CCDC170: variants seen among roughly 807,000 people sequenced by gnomAD.
CCDC170 encodes coiled-coil domain containing 170, also known as coiled-coil domain-containing protein 170.
In CCDC170, 69 loss-of-function variants were observed where a neutral mutation model predicts 72.6. The observed-to-expected ratio is 0.95, with a 90% CI of 0.78 to 1.16. The LOEUF (loss-of-function observed/expected upper bound fraction) is 1.16, where lower values mean the gene tolerates loss of function less well. CCDC170 is among the 50% of genes most tolerant of loss of function. CCDC170 has a pLI of 0.00. For synonymous variants in CCDC170, 300 were observed against 303.9 expected, an observed-to-expected ratio of 0.99 and a Z score of 0.13; for missense variants, 852 against 832.5, an observed-to-expected ratio of 1.02 and a Z score of -0.29.
rs9383926 is a variant in CCDC170, at chr6:151,569,947, T to C, written c.775-3227T>C. ...TGCTCACAGACACCATTGTATTCTA[T>C]GAACACAAACTGATTTTGTGATTTT... On this transcript the variant is annotated intron_variant, in intron 5 of 10. Coordinates refer to ENST00000239374, the MANE Select transcript of CCDC170 (RefSeq NM_025059.4). Among the ~76,000 whole-genome samples the C allele has an allele frequency of 4.1e-4, 62 of 152,300 alleles. No individual in the cohort carries two copies. The East Asian group carries it at 8.1e-3, about 20-fold the overall frequency.
At chr6:151,600,435 C>G (rs1776688516) in intron 9 of CCDC170, among the ~76,000 whole-genome samples, 1 of 152,152 alleles carries the variant, frequency 6.6e-6, no homozygotes, top group Admixed American at 6.5e-5. Context: ...TCTGTGCCTC[C>G]CCTTCACGTG....
At chr6:151,565,897 T>G (rs1230584672) in intron 5 of CCDC170, among the ~76,000 whole-genome samples, 1 of 152,248 alleles carries the variant, frequency 6.6e-6, no homozygotes, top group Non-Finnish European at 1.5e-5. Context: ...ATTATGGGTC[T>G]AATCTTAGCA....
intron 5 of CCDC170, among the ~76,000 whole-genome samples, chr6:151,562,164 A>G (rs368611996): frequency 6.6e-6 from 1 of 151,954 alleles, no homozygotes; most frequent in African/African-American, 2.4e-5. Context: ...AATTTCTCTC[A>G]GATGTTATTG....
Position 151,619,552 on chromosome 6 carries a change from G to A in CCDC170, c.*1405G>A, listed in dbSNP as rs1467399580. 1 of 152,072 alleles carries A rather than the reference G, an allele frequency of 6.6e-6. No individual in the cohort carries two copies. Among genetic ancestry groups the A allele is most frequent in the Non-Finnish European group, 1.5e-5 (1 of 68,004 alleles). 9.4% of individuals were successfully genotyped at this position (152,072 alleles called of 1,614,324 possible). A position where few individuals can be genotyped will look rare whatever the true frequency, so the allele number is the denominator to read the frequency against. ...AAGGAAAGGGAAAGAAATAGATCTG[G>A]TGCACCCGAACATTAGGAGAAAATG... is the stretch of plus-strand genomic sequence containing the variant. On this transcript the variant is annotated 3_prime_UTR_variant, in exon 11 of 11. Transcript: ENST00000239374.
intron 5 of CCDC170, among the ~76,000 whole-genome samples, chr6:151,558,236 T>G (rs1050344038): frequency 1.4e-5 from 2 of 145,504 alleles, no homozygotes; most frequent in South Asian, 2.2e-4. Flanking sequence ...ATTAGTGTTT[T>G]TTTTTTTTTT....
At chr6:151,572,288 G>A (rs1212149502) in intron 5 of CCDC170, among the ~76,000 whole-genome samples, 1 of 152,128 alleles carries the variant, frequency 6.6e-6, no homozygotes, top group Non-Finnish European at 1.5e-5. Context: ...TGAGACAAGG[G>A]GATATGCAAT....
At chr6:151,540,213 C>A (rs1379037342) in intron 3 of CCDC170, among the ~76,000 whole-genome samples, 1 of 151,740 alleles carries the variant, frequency 6.6e-6, no homozygotes, top group East Asian at 1.9e-4. Flanking sequence ...AGATGTTGGC[C>A]TATTCAGTTC....
At chr6:151,600,202 A>T (rs9383934) in intron 9 of CCDC170, among the ~76,000 whole-genome samples, 60,928 of 152,092 alleles carry the variant, frequency 0.4, 17,344 homozygotes, top group African/African-American at 0.78. Flanking sequence ...CAGACTTCTG[A>T]AATCAATTTC....
chr6:151,572,386 G>A (rs763220866), intron 5 of CCDC170, among the ~76,000 whole-genome samples: 1 of 152,104 alleles, frequency 6.6e-6, no homozygotes, highest in African/African-American at 2.4e-5. Flanking sequence ...TAGCATTGAG[G>A]GGGCATCTTT....
chr6:151,515,317 C>CT (rs1203341511), intron 1 of CCDC170, among the ~76,000 whole-genome samples: 4 of 152,334 alleles, frequency 2.6e-5, no homozygotes, highest in Non-Finnish European at 1.5e-5. Flanking sequence ...GAGTCTCACT[C>CT]TGTCACCCAG....
intron 9 of CCDC170, among the ~76,000 whole-genome samples, chr6:151,599,074 G>T (rs1048157237): frequency 4.6e-5 from 7 of 152,204 alleles, no homozygotes; most frequent in Admixed American, 3.3e-4. Flanking sequence ...ACAGCTAATA[G>T]TTGGAGAATG....
intron 9 of CCDC170, among the ~76,000 whole-genome samples, chr6:151,613,872 G>T (rs78376838): frequency 6.6e-6 from 1 of 152,230 alleles, no homozygotes; most frequent in East Asian, 1.9e-4. Context: ...GGAATTGCTG[G>T]GTCATGTGGT....
At chr6:151,611,402 G>A (rs1410938832) in intron 9 of CCDC170, among the ~76,000 whole-genome samples, 2 of 152,160 alleles carry the variant, frequency 1.3e-5, no homozygotes, top group East Asian at 3.9e-4. Flanking sequence ...AAAAATCAAG[G>A]TGCCAGCAGA....
At chr6:151,556,003 T>C (rs1782968101) in intron 5 of CCDC170, among the ~76,000 whole-genome samples, 1 of 152,178 alleles carries the variant, frequency 6.6e-6, no homozygotes, top group Non-Finnish European at 1.5e-5. Context: ...GTCAACACTT[T>C]GGGAGGCTGA....
At chr6:151,607,566 T>C (rs1249242603) in intron 9 of CCDC170, among the ~76,000 whole-genome samples, 1 of 152,176 alleles carries the variant, frequency 6.6e-6, no homozygotes, top group Non-Finnish European at 1.5e-5. Flanking sequence ...GGGTGTTGAG[T>C]TCCCTCAGTT....
At chr6:151,575,273 A>G (rs1776284283) in intron 6 of CCDC170, among the ~76,000 whole-genome samples, 1 of 151,898 alleles carries the variant, frequency 6.6e-6, no homozygotes, top group Non-Finnish European at 1.5e-5. Flanking sequence ...TGTTACTAAA[A>G]AACTCAGAAG....
chr6:151,591,464 G>C (rs957300272), intron 7 of CCDC170, among the ~76,000 whole-genome samples: 2 of 151,782 alleles, frequency 1.3e-5, no homozygotes, highest in Non-Finnish European at 1.5e-5. Context: ...GCTGTTTTAG[G>C]GGGGAGGTGT....
intron 9 of CCDC170, among the ~76,000 whole-genome samples, 163 bp from the exon 10 acceptor site, chr6:151,615,280 C>T (rs1207285563): frequency 6.6e-6 from 1 of 152,124 alleles, no homozygotes; most frequent in Non-Finnish European, 1.5e-5. Context: ...CATGTTTGTC[C>T]AGCACATATG....
At chr6:151,529,439 A>G (rs1424080189) in intron 1 of CCDC170, among the ~76,000 whole-genome samples, 1 of 152,108 alleles carries the variant, frequency 6.6e-6, no homozygotes, top group African/African-American at 2.4e-5. Context: ...TGGGAGGATC[A>G]CGAGGTCAAG....
Sources: gnomAD v4.1 joint callset for allele counts (sites outside exome capture counted in the v4.1 genomes callset) on GRCh38, gnomAD v4.1.1 for gene constraint, MANE v1.5 for transcripts, NCBI Gene and HGNC (gene_info 2026-07-23, HGNC 2026-07-21) for gene names.